The following MATN2 variants were observed in gnomAD, a reference collection of about 807,000 sequenced individuals.
The protein encoded by MATN2 is matrilin-2.
Under a neutral mutation model 103.2 loss-of-function variants are expected in MATN2, and 69 were observed. That is an observed-to-expected ratio of 0.67 (90% CI 0.55 to 0.82). The LOEUF (loss-of-function observed/expected upper bound fraction) is 0.82. MATN2 is among the 40% of genes least tolerant of loss of function. MATN2 has a pLI of 0.00. For missense variants in MATN2, 1,023 were observed against 1,211.5 expected (o/e 0.84, Z 2.31); for synonymous variants, 429 against 450.2 (o/e 0.95, Z 0.60).
chr8:97,960,071 T>C (rs1811256888), intron 4 of MATN2, among the ~76,000 whole-genome samples: 1 of 152,114 alleles, frequency 6.6e-6, no homozygotes, highest in Non-Finnish European at 1.5e-5. Flanking sequence ...TGCCTCAGCC[T>C]CCCATCTTCT....
intron 6 of MATN2, among the ~76,000 whole-genome samples, chr8:97,987,263 G>A (rs368223944): frequency 6.6e-6 from 1 of 152,098 alleles, no homozygotes; most frequent in African/African-American, 2.4e-5. Flanking sequence ...ACGTGATAGG[G>A]AGCAACACAC....
chr8:97,886,236 G>A (rs967929733), intron 1 of MATN2, among the ~76,000 whole-genome samples: 2 of 152,052 alleles, frequency 1.3e-5, no homozygotes, highest in Admixed American at 1.3e-4. Context: ...CCTACATTAT[G>A]TTGAGCTGTA....
chr8:98,019,228 CACAA>C (rs1158858450), intron 12 of MATN2, among the ~76,000 whole-genome samples: 1 of 151,876 alleles, frequency 6.6e-6, no homozygotes, highest in Non-Finnish European at 1.5e-5. Context: ...CACACACACA[CACAA>C]ACACACATAT....
chr8:98,006,165 T>A (rs1352729567), intron 8 of MATN2, among the ~76,000 whole-genome samples: 1 of 152,212 alleles, frequency 6.6e-6, no homozygotes, highest in African/African-American at 2.4e-5. Context: ...CTGTGCAGCA[T>A]TCGGATGCCA....
chr8:98,029,799 C>G (rs560862079), intron 14 of MATN2, among the ~76,000 whole-genome samples: 1 of 152,282 alleles, frequency 6.6e-6, no homozygotes, highest in South Asian at 2.1e-4. Flanking sequence ...TTGTGTTTTA[C>G]TTTCAAATGA....
chr8:98,035,249 C>CG (rs1333007896), intron 18 of MATN2, among the ~76,000 whole-genome samples: 1 of 151,802 alleles, frequency 6.6e-6, no homozygotes, highest in Non-Finnish European at 1.5e-5. Context: ...CCCAGCTACT[C>CG]GGGAGGCTGA....
intron 1 of MATN2, among the ~76,000 whole-genome samples, chr8:97,876,057 C>T (rs925627396): frequency 1.3e-5 from 2 of 151,884 alleles, no homozygotes; most frequent in African/African-American, 4.8e-5. Flanking sequence ...GTCTGACTGT[C>T]GCCCAGGCTG....
chr8:97,959,608 A>G (rs1380015047), intron 4 of MATN2, among the ~76,000 whole-genome samples: 2 of 152,192 alleles, frequency 1.3e-5, no homozygotes, highest in Non-Finnish European at 2.9e-5. Context: ...ATCTGTGTCT[A>G]TAAGGCTTTT....
intron 4 of MATN2, among the ~76,000 whole-genome samples, chr8:97,952,916 ATTTTT>A (rs71570276): frequency 1.0e-4 from 10 of 96,106 alleles, no homozygotes; most frequent in East Asian, 3.2e-4. Context: ...GTTTGTAGGG[ATTTTT>A]TTTTTTTTTT....
rs1209577077 is a variant in MATN2 at position 98,032,255 on chromosome 8, A to G, written c.2519A>G (p.Asp840Gly). The G allele has an allele frequency of 1.2e-6, 2 of 1,611,092 alleles. No homozygotes were observed. The highest frequency in any genetic ancestry group is 1.7e-6 in the Non-Finnish European group (2 of 1,178,638). The change falls in exon 16 of 19, where the codon GAC (aspartate) becomes GGC (glycine). Residue 840 changes from aspartate (D) to glycine (G), a missense_variant. By Grantham distance (94) the Asp-to-Gly change is moderately conservative (BLOSUM62 -1). Transcript: ENST00000254898. ...ATCTTTTTCTGCTCAGCTCTAGAAG[A>G]CTCCGATGGAAGACAGGACTCTCCA... ...LKKGICEALEDSDGRQDSPAG... is the reference protein window; with the variant it reads ...LKKGICEALEGSDGRQDSPAG...
intron 3 of MATN2, among the ~76,000 whole-genome samples, chr8:97,935,788 T>TGTAA (rs1432153378): frequency 6.6e-6 from 1 of 152,202 alleles, no homozygotes; most frequent in African/African-American, 2.4e-5. Flanking sequence ...GTGCCTGGCC[T>TGTAA]GTAAGTGGTA....
At chr8:97,998,420 G>A (rs546662485) in intron 7 of MATN2, among the ~76,000 whole-genome samples, 1 of 150,440 alleles carries the variant, frequency 6.6e-6, no homozygotes, top group African/African-American at 2.4e-5. Context: ...TGCTCAGGAG[G>A]CTGAGGCAGG....
intron 3 of MATN2, among the ~76,000 whole-genome samples, chr8:97,939,252 G>A (rs1399151304): frequency 6.6e-6 from 1 of 152,164 alleles, no homozygotes; most frequent in African/African-American, 2.4e-5. Context: ...CTGACTGAAT[G>A]AAACTTACCT....
At chr8:97,920,911 G>C (rs935454078) in intron 2 of MATN2, among the ~76,000 whole-genome samples, 1 of 152,206 alleles carries the variant, frequency 6.6e-6, no homozygotes, top group Non-Finnish European at 1.5e-5. Flanking sequence ...CTGATTAGGG[G>C]TGTCGGTCAC....
chr8:97,878,807 T>C (rs567048856), intron 1 of MATN2, among the ~76,000 whole-genome samples: 57 of 151,858 alleles, frequency 3.8e-4, no homozygotes, highest in African/African-American at 1.3e-3. Context: ...GCCGAGATCA[T>C]GCCACTACAC....
chr8:97,968,460 A>G (rs1207122853), intron 5 of MATN2, among the ~76,000 whole-genome samples: 2 of 152,188 alleles, frequency 1.3e-5, no homozygotes, highest in East Asian at 1.9e-4. Flanking sequence ...CCTTTTACAT[A>G]TAAGTTCCAA....
chr8:97,975,871 GTCACC>G (rs1811819659), intron 5 of MATN2, among the ~76,000 whole-genome samples: 1 of 152,162 alleles, frequency 6.6e-6, no homozygotes, highest in Admixed American at 6.5e-5. Context: ...TGTTCCCAGT[GTCACC>G]ATTGATTCTT....
At chr8:97,918,094 A>T (rs890657963) in intron 2 of MATN2, among the ~76,000 whole-genome samples, 1 of 152,192 alleles carries the variant, frequency 6.6e-6, no homozygotes, top group Non-Finnish European at 1.5e-5. Flanking sequence ...GTCTCAAAAA[A>T]AGGAAAAAGT....
intron 1 of MATN2, among the ~76,000 whole-genome samples, chr8:97,881,913 CT>C (rs34704905): frequency 8.4e-4 from 71 of 84,110 alleles, no homozygotes; most frequent in East Asian, 7.1e-3. Flanking sequence ...TATTACTTAT[CT>C]TTTTTTTTTT....
Sources: allele counts gnomAD v4.1 joint callset (sites outside exome capture counted in the v4.1 genomes callset), GRCh38; gene constraint gnomAD v4.1.1; transcripts MANE v1.5; gene names NCBI Gene and HGNC (gene_info 2026-07-23, HGNC 2026-07-21).